The following ANO7 variants were observed in gnomAD, a reference collection of about 807,000 sequenced individuals.
The protein encoded by ANO7 is anoctamin-7.
ANO7 carries 114 observed loss-of-function variants against 115.8 expected under a neutral mutation model. The observed-to-expected ratio is 0.98, with a 90% confidence interval of 0.85 to 1.15. ANO7 has a LOEUF of 1.15. ANO7 is among the 50% of genes most tolerant of loss of function. The pLI is 0.00. For missense variants in ANO7, 1,302 were observed against 1,201.2 expected (o/e 1.08, Z -1.24); for synonymous variants, 550 against 498.2 (o/e 1.10, Z -1.38).
rs753577007 is a variant in ANO7 at position 241,218,388 on chromosome 2, C to A, written c.2321+7C>A. ...CGCACAACCGCACGTGCAGGTGAGCCCCGCGCCAGGTGGAGGGGGCCGCGG... is the reference window on the plus strand; with the variant it reads ...CGCACAACCGCACGTGCAGGTGAGCACCGCGCCAGGTGGAGGGGGCCGCGG... On this transcript the variant is annotated splice_region_variant and intron_variant, in intron 21 of 24. Transcript: ENST00000674324. 2 of 1,365,014 alleles carry A rather than the reference C, an allele frequency of 1.5e-6. No homozygotes were observed. The highest frequency in any genetic ancestry group is 3.0e-5 in the African/African-American group (2 of 66,650). 84.6% of individuals were successfully genotyped at this position (1,365,014 alleles called of 1,614,324 possible).
At position 241,202,232 on chromosome 2, in the gene ANO7, G is replaced by C. The variant is rs200196418; in HGVS notation, c.651G>C (p.Glu217Asp). The change falls in exon 8 of 25, where the codon GAG (glutamate) becomes GAC (aspartate). Residue 217 changes from glutamate to aspartate, a missense_variant. Glu to Asp is a conservative substitution (Grantham distance 45). Coordinates refer to ENST00000674324, the MANE Select transcript of ANO7 (RefSeq NM_001370694.2). ...TGGCCAAGACCCCGTATGGCCACGA[G>C]AAGAAAAACCTGCTTGGGATCCACC... Reference protein sequence around the residue: ...EILAKTPYGHEKKNLLGIHQL... With the variant: ...EILAKTPYGHDKKNLLGIHQL... 3 of 1,613,714 alleles carry C rather than the reference G, an allele frequency of 1.9e-6. No individual in the cohort carries two copies. The highest frequency in any genetic ancestry group is 1.7e-6 in the Non-Finnish European group (2 of 1,180,000).
At chr2:241,202,388 G>A (rs2068493473) in intron 8 of ANO7, 84 bp downstream of exon 8, 2 of 1,312,446 alleles carry the variant, frequency 1.5e-6, no homozygotes, top group South Asian at 1.2e-5. Context: ...AGGCGGGTGT[G>A]GGGCAGGCAT....
intron 3 of ANO7, among the ~76,000 whole-genome samples, chr2:241,191,470 G>A (rs575873574): frequency 2.6e-4 from 39 of 152,266 alleles, no homozygotes; most frequent in Middle Eastern, 3.4e-3. Flanking sequence ...GGGTGGGGCC[G>A]GAAGGGCTCT....
rs1259809493 is a variant in ANO7, at chr2:241,223,356, G to A, written c.2412+80G>A. 5 of 1,490,606 alleles carry A rather than the reference G, an allele frequency of 3.4e-6. No homozygotes were observed. The East Asian group carries it at 6.8e-5, about 20-fold the overall frequency. The allele number at this position is 1,490,606 out of a possible 1,614,324, so 92.3% of individuals were successfully genotyped here. ...GCTTTGCCTAATTCGAGCACGTGGT[G>A]AGGGGTCGGTGCCGTCACTTCCTGC... On this transcript the variant is annotated intron_variant, in intron 22 of 24. Coordinates refer to ENST00000674324, the MANE Select transcript of ANO7 (RefSeq NM_001370694.2).
intron 6 of ANO7, 90 bp downstream of exon 6, chr2:241,200,315 C>A: frequency 6.7e-7 from 1 of 1,494,050 alleles, no homozygotes. Context: ...TTCCCCAGGA[C>A]TCTCCTCACC....
At position 241,218,337 on chromosome 2, in the gene ANO7, G is replaced by C. The variant is rs771345193; in HGVS notation, c.2277G>C (p.Ala759=). 1.2e-5 allele frequency: 18 copies of C among 1,497,250 alleles called. No individual in the cohort carries two copies. The highest frequency in any genetic ancestry group is 2.1e-5 in the Admixed American group (1 of 47,548). The allele number at this position is 1,497,250 out of a possible 1,614,324, so 92.7% of individuals were successfully genotyped here. A position where few individuals can be genotyped will look rare whatever the true frequency, so the allele number is the denominator to read the frequency against. ...GCGGCTTCCTCAACTTCACGCTGGC[G>C]CGAGCCCCGTCCTCCTTCGCCGCCG... ...DLRGFLNFTL[A]RAPSSFAAAH... The change falls in exon 21 of 25, where the codon GCG becomes GCC. Residue 759 remains alanine (A), a synonymous_variant. Transcript: ENST00000674324.
At chr2:241,232,771 G>A in the ANO7 span, among the ~76,000 whole-genome samples, 12 of 151,988 alleles carry the variant, frequency 7.9e-5, no homozygotes, top group South Asian at 1.7e-3. Context: ...CCGAGATCGC[G>A]CCACTGCACT....
At chr2:241,227,815 C>T (rs1019574750), downstream of ANO7, 1 of 151,052 alleles carries the variant, frequency 6.6e-6, no homozygotes, top group African/African-American at 2.5e-5. Flanking sequence ...GAAGAGGTGA[C>T]AGCCCTTCCC....
chr2:241,230,014 C>A, downstream of ANO7: 1 of 1,572,538 alleles, frequency 6.4e-7, no homozygotes, highest in Non-Finnish European at 8.6e-7. This position sits in a 1 kb window ranked among gnomAD's most constrained non-coding sequence, Gnocchi z 5.0. Flanking sequence ...CCCCCAGCAT[C>A]CCGCCCGCCT....
downstream of ANO7, chr2:241,230,962 A>T (rs1559471269): frequency 6.2e-7 from 1 of 1,608,076 alleles, no homozygotes; most frequent in East Asian, 2.2e-5. This position sits in a 1 kb window ranked among gnomAD's most constrained non-coding sequence, Gnocchi z 5.0. Flanking sequence ...AGGAGAATGT[A>T]GTCAGAAAAG....
chr2:241,222,854 C>G (rs963690570), intron 21 of ANO7, among the ~76,000 whole-genome samples: 1 of 152,166 alleles, frequency 6.6e-6, no homozygotes, highest in Non-Finnish European at 1.5e-5. Context: ...TGTAAGTAGA[C>G]TGAAGTCATC....
In ANO7 at chr2:241,224,226, C is replaced by T; in HGVS notation, c.*73C>T. The T allele has an allele frequency of 1.9e-6, 3 of 1,542,246 alleles. No individual in the cohort carries two copies. Among genetic ancestry groups the T allele is most frequent in the South Asian group, 2.3e-5 (2 of 87,798 alleles). On this transcript the variant is annotated 3_prime_UTR_variant, in exon 25 of 25. Coordinates refer to ENST00000674324, the MANE Select transcript of ANO7 (RefSeq NM_001370694.2). The stretch of plus-strand genomic sequence containing the variant: ...GCCCTGCGAGCAGCGTCCTTTTCCT[C>T]TTCCCTCAGGCAGCGGCTGTGTGAA...
intron 21 of ANO7, among the ~76,000 whole-genome samples, chr2:241,219,179 T>C (rs1348931647): frequency 1.3e-5 from 2 of 152,232 alleles, no homozygotes; most frequent in African/African-American, 4.8e-5. Flanking sequence ...ACTTCCTTTG[T>C]GATCTGGTTA....
chr2:241,223,164 C>T (rs1456945082), intron 21 of ANO7, 22 bp from the exon 22 acceptor site: 1 of 1,611,086 alleles, frequency 6.2e-7, no homozygotes, highest in African/African-American at 1.3e-5. Context: ...GCTGCGCGCA[C>T]TGAGTCCTGT....
intron 4 of ANO7, chr2:241,196,152 CTT>C: frequency 7.6e-7 from 1 of 1,320,012 alleles, no homozygotes; most frequent in Non-Finnish European, 9.7e-7. Context: ...AACATTAAAG[CTT>C]TTGGGTAGGC....
chr2:241,208,419 A>G (rs2068637730), intron 11 of ANO7, among the ~76,000 whole-genome samples: 2 of 151,854 alleles, frequency 1.3e-5, no homozygotes, highest in Non-Finnish European at 2.9e-5. Context: ...CCTCATTCCA[A>G]TCTCTGCTTC....
At chr2:241,202,326 T>C (rs1377140261) in intron 8 of ANO7, 22 bp downstream of exon 8, 1 of 1,601,454 alleles carries the variant, frequency 6.2e-7, no homozygotes, top group Admixed American at 1.7e-5. Context: ...GGCTGGGGGC[T>C]CCAGCCTGGG....
intron 11 of ANO7, 130 bp from the exon 12 acceptor site, chr2:241,209,151 GCAAA>G (rs1229810629): frequency 1.9e-5 from 22 of 1,165,056 alleles, no homozygotes; most frequent in African/African-American, 3.1e-5. Flanking sequence ...TCCGTCTCAA[GCAAA>G]CAAACAAAAA....
intron 3 of ANO7, among the ~76,000 whole-genome samples, chr2:241,191,863 A>G (rs2068213544): frequency 6.6e-6 from 1 of 152,190 alleles, no homozygotes; most frequent in Admixed American, 6.5e-5. Context: ...TACAGCTGCT[A>G]AGGAAAACAG....
Sources: allele counts gnomAD v4.1 joint callset (sites outside exome capture counted in the v4.1 genomes callset), GRCh38; gene constraint gnomAD v4.1.1; non-coding constraint Gnocchi (gnomAD v3.1); transcripts MANE v1.5; gene names NCBI Gene and HGNC (gene_info 2026-07-23, HGNC 2026-07-21).